The following SBF2 variants were observed in gnomAD, a reference collection of about 807,000 sequenced individuals.
The protein encoded by SBF2 is myotubularin-related protein 13.
In SBF2, 112 loss-of-function variants were observed where a neutral mutation model predicts 225.2. That is an observed-to-expected ratio of 0.50 (90% confidence interval 0.43 to 0.58). The LOEUF is 0.58. Among genes scored for constraint, SBF2 ranks in the 20% least tolerant of loss-of-function variants. The probability of loss-of-function intolerance (pLI) is 0.00; values close to 1 mark genes in which losing one functional copy is unlikely to be tolerated. For synonymous variants in SBF2, 763 were observed against 773.3 expected (o/e 0.99, Z 0.22); for missense variants, 1,996 against 2,206.2 (o/e 0.90, Z 1.91).
intron 14 of SBF2, among the ~76,000 whole-genome samples, chr11:9,967,951 C>CTGTCTG (rs1436383200): frequency 1.2e-4 from 12 of 97,350 alleles, no homozygotes; most frequent in Admixed American, 4.3e-4. Context: ...CTGTCTGTCT[C>CTGTCTG]TCTCTCTCTC....
chr11:10,294,383 C>T (rs1167724861), upstream of SBF2, among the ~76,000 whole-genome samples: 2 of 152,164 alleles, frequency 1.3e-5, no homozygotes, highest in African/African-American at 2.4e-5. Context: ...GCGCCGCCAC[C>T]GCGGCCCCTG....
At chr11:10,213,833 T>C (rs547656309) in intron 1 of SBF2, among the ~76,000 whole-genome samples, 3 of 152,166 alleles carry the variant, frequency 2.0e-5, no homozygotes, top group Non-Finnish European at 2.9e-5. Flanking sequence ...ATGATTCCAA[T>C]TCCTGAAATC....
At chr11:10,113,549 G>A (rs1325978328) in intron 2 of SBF2, among the ~76,000 whole-genome samples, 2 of 151,908 alleles carry the variant, frequency 1.3e-5, no homozygotes, top group African/African-American at 4.8e-5. Context: ...TATTTATTGA[G>A]AGCCTAACAC....
intron 13 of SBF2, among the ~76,000 whole-genome samples, chr11:9,970,817 T>TC (rs994448299): frequency 3.9e-5 from 6 of 152,174 alleles, no homozygotes; most frequent in Non-Finnish European, 7.3e-5. Flanking sequence ...GCTCTGTATT[T>TC]CCCCCCATAT....
At chr11:10,036,247 A>G (rs146231220) in intron 3 of SBF2, among the ~76,000 whole-genome samples, 2,170 of 152,122 alleles carry the variant, frequency 0.014, 28 homozygotes, top group Non-Finnish European at 0.025. Flanking sequence ...AACATCACAC[A>G]CTGGGGCCTG....
At chr11:9,859,361 A>C (rs1857548209) in intron 17 of SBF2, among the ~76,000 whole-genome samples, 1 of 152,218 alleles carries the variant, frequency 6.6e-6, no homozygotes, top group South Asian at 2.1e-4. Flanking sequence ...TTGCATTTTA[A>C]ATTTTAATGA....
intron 2 of SBF2, among the ~76,000 whole-genome samples, chr11:10,171,985 G>A (rs1226044730): frequency 2.0e-5 from 3 of 152,010 alleles, no homozygotes; most frequent in African/African-American, 4.8e-5. Flanking sequence ...AGTATCAGTT[G>A]TAACGTCTTC....
At chr11:10,287,377 G>A (rs1273043596) in intron 1 of SBF2, among the ~76,000 whole-genome samples, 1 of 152,086 alleles carries the variant, frequency 6.6e-6, no homozygotes, top group Non-Finnish European at 1.5e-5. Flanking sequence ...GAACTCCTAG[G>A]TTCAAGCAGT....
intron 2 of SBF2, among the ~76,000 whole-genome samples, chr11:10,071,810 A>G (rs942552489): frequency 6.6e-6 from 1 of 152,100 alleles, no homozygotes. Context: ...ATTGATTTGC[A>G]TATGTTGAAC....
At chr11:9,923,512 C>A (rs1863794004) in intron 16 of SBF2, among the ~76,000 whole-genome samples, 3 of 152,174 alleles carry the variant, frequency 2.0e-5, no homozygotes, top group African/African-American at 7.2e-5. Context: ...CTGTTTACTA[C>A]ATTTGTGAAA....
At chr11:10,057,212 G>A (rs2134739281) in intron 2 of SBF2, among the ~76,000 whole-genome samples, 1 of 151,950 alleles carries the variant, frequency 6.6e-6, no homozygotes, top group Non-Finnish European at 1.5e-5. Flanking sequence ...ATGGGTGCCT[G>A]TTCCCATATC....
chr11:10,263,516 T>C (rs182622264), intron 1 of SBF2, among the ~76,000 whole-genome samples: 1 of 152,244 alleles, frequency 6.6e-6, no homozygotes, highest in African/African-American at 2.4e-5. Flanking sequence ...ATTACTAGTA[T>C]CAAGAGACAT....
At chr11:10,159,526 G>T (rs776712041) in intron 2 of SBF2, among the ~76,000 whole-genome samples, 3 of 152,158 alleles carry the variant, frequency 2.0e-5, no homozygotes, top group African/African-American at 7.2e-5. Context: ...AGCACAAGAA[G>T]ACAGCTTCGA....
intron 17 of SBF2, among the ~76,000 whole-genome samples, chr11:9,872,793 A>G (rs1461195696): frequency 6.6e-6 from 1 of 152,182 alleles, no homozygotes; most frequent in Non-Finnish European, 1.5e-5. Context: ...AGGCAAGTAG[A>G]TCACTTGAGA....
Position 9,970,210 on chromosome 11 carries a change from A to AT in SBF2, c.1396-1666dup, listed in dbSNP as rs1172096180. ...AACTCAATACTATCCCATATATCCT[A>AT]TTTTTTTTTTTTTTTAGACGCAGTC... On this transcript the variant is annotated intron_variant, in intron 13 of 39. Transcript: ENST00000256190. Among the ~76,000 whole-genome samples the AT allele has an allele frequency of 6.5e-3, 899 of 138,746 alleles. 5 individuals are homozygous for AT. The highest frequency in any genetic ancestry group is 0.012 in the Admixed American group (162 of 13,862). 91.0% of individuals were successfully genotyped at this position (138,746 alleles called of 152,430 possible).
intron 33 of SBF2, among the ~76,000 whole-genome samples, chr11:9,794,706 A>AAAAAAAAAC (rs1853002036): frequency 1.4e-5 from 2 of 147,010 alleles, no homozygotes; most frequent in Non-Finnish European, 3.0e-5. Flanking sequence ...AAAAAAAAAA[A>AAAAAAAAAC]AGACCAGGCC....
At chr11:10,149,655 T>C (rs968968699) in intron 2 of SBF2, 3 of 152,178 alleles carry the variant, frequency 2.0e-5, no homozygotes, top group Non-Finnish European at 4.4e-5. Context: ...CTTAGGCCAA[T>C]GTCATATACT....
At chr11:9,966,509 G>GA (rs1453898287) in intron 14 of SBF2, among the ~76,000 whole-genome samples, 16 of 151,906 alleles carry the variant, frequency 1.1e-4, no homozygotes, top group Admixed American at 5.2e-4. Flanking sequence ...AATATATCAA[G>GA]AAAAACAGGA....
At chr11:9,917,065 TA>T (rs146753594) in intron 16 of SBF2, among the ~76,000 whole-genome samples, 1 of 151,160 alleles carries the variant, frequency 6.6e-6, no homozygotes, top group Admixed American at 6.6e-5. Flanking sequence ...TATTTTCATT[TA>T]AAAAAAACTC....
Sources: gnomAD v4.1 joint callset for allele counts (sites outside exome capture counted in the v4.1 genomes callset) on GRCh38, gnomAD v4.1.1 for gene constraint, MANE v1.5 for transcripts, NCBI Gene and HGNC (gene_info 2026-07-23, HGNC 2026-07-21) for gene names.